PPP1R12A: variants seen among roughly 807,000 people sequenced by gnomAD.
PPP1R12A encodes the protein myosin binding subunit.
PPP1R12A carries 19 observed loss-of-function variants against 139.6 expected under a neutral mutation model. The ratio of observed to expected loss-of-function variants is 0.14; its 90% CI spans 0.09 to 0.20. PPP1R12A has a LOEUF of 0.20. PPP1R12A is among the 10% of genes least tolerant of loss of function. The pLI is 1.00. For missense variants in PPP1R12A, 925 were observed against 1,211.5 expected (o/e 0.76, Z 3.51); for synonymous variants, 427 against 420.6 (o/e 1.02, Z -0.19).
At chr12:79,864,733 A>G (rs1881770641) in intron 2 of PPP1R12A, among the ~76,000 whole-genome samples, 1 of 152,218 alleles carries the variant, frequency 6.6e-6, no homozygotes, top group South Asian at 2.1e-4. Context: ...AGAAATGGAT[A>G]AATTCCTCGA....
At chr12:79,919,338 C>T (rs1228279725) in intron 1 of PPP1R12A, among the ~76,000 whole-genome samples, 8 of 151,488 alleles carry the variant, frequency 5.3e-5, no homozygotes, top group Non-Finnish European at 7.4e-5. Flanking sequence ...GGGCGGATCA[C>T]GAGGTCAGGA....
At chr12:79,882,826 G>C (rs1178147008) in intron 1 of PPP1R12A, among the ~76,000 whole-genome samples, 1 of 152,102 alleles carries the variant, frequency 6.6e-6, no homozygotes, top group Non-Finnish European at 1.5e-5. Context: ...TGATTAATCA[G>C]CAGCCAACAT....
chr12:79,789,702 G>T (rs1173259139), intron 20 of PPP1R12A: 3 of 447,860 alleles, frequency 6.7e-6, no homozygotes, highest in South Asian at 4.8e-5. Context: ...AATGATAAGA[G>T]AAATGGAATG....
chr12:79,817,854 C>CAATGTAACTAAAAA (rs1875600368), intron 8 of PPP1R12A, among the ~76,000 whole-genome samples: 1 of 152,016 alleles, frequency 6.6e-6, no homozygotes, highest in South Asian at 2.1e-4. Context: ...GTAACTAAAA[C>CAATGTAACTAAAAA]CTTAACAGTA....
At chr12:79,898,417 C>A (rs1033339345) in intron 1 of PPP1R12A, among the ~76,000 whole-genome samples, 5 of 152,120 alleles carry the variant, frequency 3.3e-5, no homozygotes, top group African/African-American at 9.7e-5. Context: ...GATGGTGCCA[C>A]GGCACTCCAG....
intron 1 of PPP1R12A, among the ~76,000 whole-genome samples, chr12:79,886,340 G>A (rs1308869502): frequency 1.3e-5 from 2 of 152,118 alleles, no homozygotes; most frequent in Non-Finnish European, 2.9e-5. Context: ...TTAGGAGGCC[G>A]TCTATATTTA....
chr12:79,784,064 TA>T (rs1320223198), intron 22 of PPP1R12A, among the ~76,000 whole-genome samples: 1 of 152,118 alleles, frequency 6.6e-6, no homozygotes. Flanking sequence ...ACTTCAAGAT[TA>T]ATTTCATGCA....
chr12:79,801,111 C>T (rs1422474465), intron 14 of PPP1R12A, among the ~76,000 whole-genome samples: 25 of 150,886 alleles, frequency 1.7e-4, no homozygotes, highest in Non-Finnish European at 2.1e-4. Context: ...TTTGGGAGGC[C>T]GAGGCAGGCG....
chr12:79,927,440 T>G (rs1322391510), intron 1 of PPP1R12A, among the ~76,000 whole-genome samples: 2 of 152,286 alleles, frequency 1.3e-5, no homozygotes, highest in Non-Finnish European at 2.9e-5. Context: ...GCACTTCAAT[T>G]ACCATAGAAA....
intron 9 of PPP1R12A, among the ~76,000 whole-genome samples, chr12:79,813,407 A>C (rs1449176815): frequency 1.3e-5 from 2 of 152,180 alleles, no homozygotes; most frequent in Admixed American, 1.3e-4. Context: ...ATCATGCTAC[A>C]TCTGTACGTT....
intron 1 of PPP1R12A, among the ~76,000 whole-genome samples, chr12:79,929,039 T>C (rs1019121376): frequency 2.0e-5 from 3 of 152,250 alleles, no homozygotes; most frequent in African/African-American, 7.2e-5. Context: ...GAACTAGTTT[T>C]GTGAATGACA....
rs1872595227 is a variant in PPP1R12A at position 79,797,244 on chromosome 12, G to A, written c.2243C>T (p.Thr748Ile). Reference sequence around the variant, plus strand: ...TTGTTTATATTCATCTTCTCTAGATGTTTCTGACTCCTTCTTTTCTTCTTG... The same window carrying A: ...TTGTTTATATTCATCTTCTCTAGATATTTCTGACTCCTTCTTTTCTTCTTG... ...EKQEEKKESE[T>I]SREDEYKQKY... Residue 748 changes from threonine (T) to isoleucine (I), a missense_variant, in exon 16 of 25, where the codon ACA becomes ATA. By Grantham distance (89) the Thr-to-Ile change is moderately conservative. Coordinates refer to ENST00000450142, the MANE Select transcript of PPP1R12A (RefSeq NM_002480.3). The A allele has an allele frequency of 1.3e-6, 2 of 1,589,434 alleles. No homozygotes were observed. Among genetic ancestry groups the A allele is most frequent in the African/African-American group, 1.3e-5 (1 of 74,530 alleles).
intron 2 of PPP1R12A, among the ~76,000 whole-genome samples, chr12:79,868,573 T>C (rs1249745845): frequency 1.3e-5 from 2 of 152,216 alleles, no homozygotes; most frequent in Admixed American, 6.5e-5. Flanking sequence ...GGTTGGTAGA[T>C]GGCTGCCTTC....
chr12:79,918,682 A>C (rs1887191257), intron 1 of PPP1R12A, among the ~76,000 whole-genome samples: 1 of 152,138 alleles, frequency 6.6e-6, no homozygotes, highest in South Asian at 2.1e-4. Flanking sequence ...TCTCATAGTC[A>C]TCTCTCTCAG....
At chr12:79,862,330 C>T (rs1253423432) in intron 2 of PPP1R12A, among the ~76,000 whole-genome samples, 1 of 152,092 alleles carries the variant, frequency 6.6e-6, no homozygotes, top group East Asian at 1.9e-4. Flanking sequence ...CGTTAAAGAC[C>T]AAAGGTAGAT....
chr12:79,812,382 C>CTGTGTGTG (rs1555202833), intron 9 of PPP1R12A, among the ~76,000 whole-genome samples: 5 of 112,948 alleles, frequency 4.4e-5, no homozygotes, highest in South Asian at 3.0e-4. Flanking sequence ...TTGACTGACT[C>CTGTGTGTG]TGTGTGTGCG....
intron 3 of PPP1R12A, 102 bp from the exon 4 acceptor site, chr12:79,832,593 T>A (rs749739611): frequency 2.5e-5 from 31 of 1,230,604 alleles, no homozygotes; most frequent in Admixed American, 1.1e-4. Flanking sequence ...AAATTAAAAG[T>A]GAAAGTATGT....
chr12:79,931,340 C>T (rs1888238539), intron 1 of PPP1R12A, among the ~76,000 whole-genome samples: 1 of 152,086 alleles, frequency 6.6e-6, no homozygotes, highest in Admixed American at 6.5e-5. Flanking sequence ...AATTACAATA[C>T]ATTTAATATT....
intron 1 of PPP1R12A, among the ~76,000 whole-genome samples, chr12:79,916,385 TA>T (rs11300856): frequency 0.98 from 148,647 of 152,256 alleles, 72,599 homozygotes; most frequent in East Asian, 1. Flanking sequence ...AATTCATTCT[TA>T]AGACAGATAT....
Sources: gnomAD v4.1 joint callset for allele counts (sites outside exome capture counted in the v4.1 genomes callset) on GRCh38, gnomAD v4.1.1 for gene constraint, MANE v1.5 for transcripts, NCBI Gene and HGNC (gene_info 2026-07-23, HGNC 2026-07-21) for gene names.